The following SLC29A3 variants were observed in gnomAD, a reference collection of about 807,000 sequenced individuals.
The protein encoded by SLC29A3 is equilibrative nucleoside transporter 3.
Under a neutral mutation model 25.4 loss-of-function variants are expected in SLC29A3, and 18 were observed. The observed-to-expected ratio is 0.71, with a 90% CI of 0.49 to 1.05. The LOEUF (loss-of-function observed/expected upper bound fraction) is 1.05, where lower values mean the gene tolerates loss of function less well. Ranked by LOEUF, SLC29A3 falls within the 50% of genes least tolerant of loss-of-function variation. SLC29A3 has a pLI of 0.00. For missense variants in SLC29A3, 586 were observed against 609.0 expected, an observed-to-expected ratio of 0.96 and a Z score of 0.40; for synonymous variants, 258 against 267.1, an observed-to-expected ratio of 0.97 and a Z score of 0.33.
intron 2 of SLC29A3, among the ~76,000 whole-genome samples, chr10:71,341,150 C>T (rs565510432): frequency 1.1e-4 from 16 of 152,244 alleles, no homozygotes; most frequent in African/African-American, 3.4e-4. Context: ...CTCAGGGGAG[C>T]GTCCCCCACC....
Position 71,322,789 on chromosome 10 carries a change from G to A in SLC29A3, c.35G>A (p.Ser12Asn). Residue 12 changes from serine (S) to asparagine (N), a missense_variant, in exon 2 of 6, where the codon AGT (serine) becomes AAT (asparagine). By Grantham distance (46) the Ser-to-Asn change is conservative. Coordinates refer to ENST00000373189, the MANE Select transcript of SLC29A3 (RefSeq NM_018344.6). ...AVVSEDDFQH[S>N]SNSTYRTTSS... ...GTCTCAGAGGACGACTTTCAGCACA[G>A]TTCAAACTCCACCTACAGAACCACA... 6.2e-7 allele frequency: 1 copy of A among 1,614,158 alleles called. No homozygotes were observed. The highest frequency in any genetic ancestry group is 8.5e-7 in the Non-Finnish European group (1 of 1,180,046).
At chr10:71,372,880 C>T (rs1273984312) in intron 3 of SLC29A3, among the ~76,000 whole-genome samples, 1 of 152,116 alleles carries the variant, frequency 6.6e-6, no homozygotes, top group Non-Finnish European at 1.5e-5. Context: ...CAGCTGAGGC[C>T]CAACACCATC....
Position 71,371,894 on chromosome 10 carries a change from G to A in SLC29A3, c.*95-3801G>A, listed in dbSNP as rs138560000. Among the ~76,000 whole-genome samples the A allele has an allele frequency of 6.4e-4, 98 of 152,342 alleles. No individual in the cohort carries two copies. In the Middle Eastern group the frequency reaches 0.01, roughly 16 times the overall value. On this transcript the variant is annotated intron_variant and NMD_transcript_variant, in intron 3 of 4. Coordinates refer to the SLC29A3 transcript ENST00000642772. ...GACCACTTTTTCAATGAGGAAGAAC[G>A]ACAGAAATAATAGCCCAGTTCCAGA... is the stretch of plus-strand genomic sequence containing the variant.
intron 1 of SLC29A3, among the ~76,000 whole-genome samples, chr10:71,320,054 TAA>T (rs1845815030): frequency 6.6e-6 from 1 of 152,226 alleles, no homozygotes; most frequent in Admixed American, 6.5e-5. Context: ...TAAAGACTAA[TAA>T]GACTTTGCTC....
rs538214752 is a variant in SLC29A3 at position 71,344,207 on chromosome 10, A to G, written c.301-2A>G. 2 of 1,613,864 alleles carry G rather than the reference A, an allele frequency of 1.2e-6. No homozygotes were observed. The highest frequency in any genetic ancestry group is 2.2e-5 in the East Asian group (1 of 44,870). ...AGCACCTCCTCACTTGTGTGCTTGC[A>G]GAACTACTTTGAGAGCTACCTTGCC... On this transcript the variant is annotated splice_acceptor_variant, in intron 2 of 5. Coordinates refer to ENST00000373189, the MANE Select transcript of SLC29A3 (RefSeq NM_018344.6). LOFTEE classifies it high-confidence loss of function.
At chr10:71,353,271 T>G (rs1308746290) in intron 4 of SLC29A3, among the ~76,000 whole-genome samples, 1 of 152,238 alleles carries the variant, frequency 6.6e-6, no homozygotes, top group Non-Finnish European at 1.5e-5. Context: ...AAAATGGACT[T>G]GTTGCTAAGT....
rs376261663 is a variant in SLC29A3, at chr10:71,331,316, AG to A, written c.300+8264del. Among the ~76,000 whole-genome samples the A allele has an allele frequency of 1.4e-4, 21 of 152,290 alleles. No homozygotes were observed. In the South Asian group the frequency reaches 4.4e-3, roughly 32 times the overall value. ...TCGTGGAGGATGGGGGGAGAGACAG[AG>A]GAGACAGCAAACTCAAGGAATTTTG... is the stretch of plus-strand genomic sequence containing the variant. On this transcript the variant is annotated intron_variant, in intron 2 of 5. Transcript: ENST00000373189.
At chr10:71,355,441 CTG>C (rs1004061399) in intron 4 of SLC29A3, among the ~76,000 whole-genome samples, 2 of 152,136 alleles carry the variant, frequency 1.3e-5, no homozygotes, top group Admixed American at 6.5e-5. Context: ...AGGTGTATGA[CTG>C]TGTGTGTGAG....
intron 4 of SLC29A3, among the ~76,000 whole-genome samples, chr10:71,353,589 G>A (rs934968828): frequency 3.3e-5 from 5 of 152,098 alleles, no homozygotes; most frequent in African/African-American, 9.7e-5. Context: ...GTACTTCTAC[G>A]CCAGTATTAA....
chr10:71,328,110 C>T (rs973887477), intron 2 of SLC29A3, among the ~76,000 whole-genome samples: 1 of 152,200 alleles, frequency 6.6e-6, no homozygotes, highest in Non-Finnish European at 1.5e-5. Flanking sequence ...CTGTGTACCT[C>T]GGTCTGCCCA....
At chr10:71,319,435 C>T in intron 1 of SLC29A3, 125 bp downstream of exon 1, 1 of 486,902 alleles carries the variant, frequency 2.1e-6, no homozygotes, top group Admixed American at 4.1e-5. Flanking sequence ...CAGGACCCTA[C>T]CCCATCCGTG....
chr10:71,336,754 G>A (rs7090745), intron 2 of SLC29A3, among the ~76,000 whole-genome samples: 34,014 of 151,746 alleles, frequency 0.22, 4,428 homozygotes, highest in Non-Finnish European at 0.29. Flanking sequence ...AAGGAGGTGT[G>A]CTCCAGAAAG....
downstream of SLC29A3, among the ~76,000 whole-genome samples, chr10:71,367,283 G>A (rs953854388): frequency 3.3e-5 from 5 of 152,150 alleles, no homozygotes; most frequent in Non-Finnish European, 7.4e-5. Context: ...TGCATGGCTC[G>A]CTGCTGACAA....
intron 1 of SLC29A3, among the ~76,000 whole-genome samples, chr10:71,320,638 G>A (rs1007256716): frequency 1.2e-4 from 18 of 152,344 alleles, no homozygotes; most frequent in Middle Eastern, 3.4e-3. Flanking sequence ...CTGGGGAGGG[G>A]CTCTGCTAAC....
At chr10:71,371,658 T>A (rs1847211812) in intron 3 of SLC29A3, among the ~76,000 whole-genome samples, 1 of 152,220 alleles carries the variant, frequency 6.6e-6, no homozygotes, top group Admixed American at 6.5e-5. Flanking sequence ...GAACCCCGAC[T>A]CTATGTCTTA....
At chr10:71,356,995 T>A (rs1276266146) in intron 5 of SLC29A3, among the ~76,000 whole-genome samples, 1 of 149,480 alleles carries the variant, frequency 6.7e-6, no homozygotes, top group Non-Finnish European at 1.5e-5. Flanking sequence ...CAGGCCAGGC[T>A]GGAGTGCAGG....
intron 2 of SLC29A3, among the ~76,000 whole-genome samples, chr10:71,332,454 A>T: frequency 6.6e-6 from 1 of 152,128 alleles, no homozygotes; most frequent in East Asian, 1.9e-4. Flanking sequence ...CCTACCAGCA[A>T]TCCAATGTTT....
At chr10:71,325,225 A>G (rs534468586) in intron 2 of SLC29A3, among the ~76,000 whole-genome samples, 190 of 152,284 alleles carry the variant, frequency 1.2e-3, no homozygotes, top group African/African-American at 4.4e-3. Context: ...ATAGGCATGA[A>G]TCTGCCATAG....
chr10:71,351,518 A>G, intron 3 of SLC29A3, 44 bp from the exon 4 acceptor site: 1 of 1,585,668 alleles, frequency 6.3e-7, no homozygotes, highest in Middle Eastern at 1.7e-4. Context: ...CCCACACAGG[A>G]GCCCCGAAGG....
Sources: allele counts gnomAD v4.1 joint callset (sites outside exome capture counted in the v4.1 genomes callset), GRCh38; gene constraint gnomAD v4.1.1; transcripts MANE v1.5; gene names NCBI Gene and HGNC (gene_info 2026-07-23, HGNC 2026-07-21).